EIF4G2: variants seen among roughly 807,000 people sequenced by gnomAD.
The protein encoded by EIF4G2 is eukaryotic translation initiation factor 4 gamma 2.
EIF4G2 carries 8 observed loss-of-function variants against 117.7 expected under a neutral mutation model. The observed-to-expected ratio is 0.07, with a 90% CI of 0.04 to 0.12. EIF4G2 has a LOEUF of 0.12. EIF4G2 is among the 10% of genes least tolerant of loss of function. EIF4G2 has a pLI of 1.00. For synonymous variants in EIF4G2, 413 were observed against 367.8 expected (o/e 1.12, Z -1.41); for missense variants, 812 against 1,086.2 (o/e 0.75, Z 3.55).
chr11:10,799,437 AG>A lies in EIF4G2; in HGVS notation c.2325-14del, dbSNP rs1436085372. 7.4e-6 allele frequency: 12 copies of A among 1,611,642 alleles called. No individual in the cohort carries two copies. The highest frequency in any genetic ancestry group is 9.3e-6 in the Non-Finnish European group (11 of 1,179,894). ...GTACTGTAAGAAGCTGGACAGAAAGAGGTCTTGTTAGAACCCAACAGTGAGT... is the reference window on the plus strand; with the variant it reads ...GTACTGTAAGAAGCTGGACAGAAAGAGTCTTGTTAGAACCCAACAGTGAGT... On this transcript the variant is annotated splice_polypyrimidine_tract_variant and intron_variant, in intron 19 of 21. Coordinates refer to ENST00000339995, the MANE Select transcript of EIF4G2 (RefSeq NM_001418.4).
Position 10,803,882 on chromosome 11 carries a change from T to C in EIF4G2, c.702+17A>G, listed in dbSNP as rs765412969. On this transcript the variant is annotated intron_variant, in intron 8 of 21. Transcript: ENST00000339995. This position sits in a 1 kb window ranked among gnomAD's most constrained non-coding sequence, Gnocchi z 4.0. ...AAACGACTGACTACATTCGCCTAAC[T>C]TCCCTGTCACACTTACTGTTTTGAT... The C allele has an allele frequency of 2.5e-6, 4 of 1,601,066 alleles. No individual in the cohort carries two copies. Among genetic ancestry groups the C allele is most frequent in the Non-Finnish European group, 2.6e-6 (3 of 1,171,038 alleles).
chr11:10,799,628 T>C lies in EIF4G2; in HGVS notation c.2248A>G (p.Ile750Val), dbSNP rs1847362671. 8 of 1,614,036 alleles carry C rather than the reference T, an allele frequency of 5.0e-6. No homozygotes were observed. The African/African-American group carries it at 8.0e-5, about 16-fold the overall frequency. ...ATGTTATCTTTAATCCATTTATATA[T>C]GGTTTGAGGGGATGGATCCAACTTT... The change falls in exon 19 of 22, where the codon ATA becomes GTA. Residue 750 changes from isoleucine to valine, a missense_variant. Transcript: ENST00000339995.
intron 15 of EIF4G2, 56 bp downstream of exon 15, chr11:10,800,906 T>G (rs1476748004): frequency 1.2e-6 from 2 of 1,611,482 alleles, no homozygotes; most frequent in African/African-American, 1.3e-5. Context: ...ACACACTAAA[T>G]TTAGAAAAAA....
At chr11:10,802,476 A>G in intron 11 of EIF4G2, 41 bp from the exon 12 acceptor site, 3 of 1,500,998 alleles carry the variant, frequency 2.0e-6, no homozygotes, top group Non-Finnish European at 1.8e-6. Flanking sequence ...GTCTCTGGAC[A>G]CTATTTCACT....
rs73417794 is a variant in EIF4G2 at position 10,797,774 on chromosome 11, G to C, written c.*42C>G. 579 of 1,597,698 alleles carry C rather than the reference G, an allele frequency of 3.6e-4. 3 individuals carry two copies. The African/African-American group carries it at 6.7e-3, about 19-fold the overall frequency. ...TTAGGTCAAATGCAGTTACATCATAGCAACAGTATGTTTTGCACAATTTAA... is the reference window on the plus strand; with the variant it reads ...TTAGGTCAAATGCAGTTACATCATACCAACAGTATGTTTTGCACAATTTAA... On this transcript the variant is annotated 3_prime_UTR_variant, in exon 22 of 22. Coordinates refer to ENST00000339995, the MANE Select transcript of EIF4G2 (RefSeq NM_001418.4). The surrounding 1 kb of genome is among the most constrained non-coding windows in gnomAD (Gnocchi z 4.5).
At position 10,804,580 on chromosome 11, in the gene EIF4G2, T is replaced by C. The variant is rs530971654; in HGVS notation, c.352-162A>G. ...CATCCATCTCCTGGGAGTCAGAAAA[T>C]GCCATGGATATCAAAACTTTCAAGT... On this transcript the variant is annotated intron_variant, in intron 5 of 21. Transcript: ENST00000339995. 6 of 878,950 alleles carry C rather than the reference T, an allele frequency of 6.8e-6. No homozygotes were observed. In the African/African-American group the frequency reaches 1.0e-4, roughly 15 times the overall value. The allele number at this position is 878,950 out of a possible 1,614,324, so 54.4% of individuals were successfully genotyped here. A position where few individuals can be genotyped will look rare whatever the true frequency, so the allele number is the denominator to read the frequency against.
chr11:10,805,733 G>GT (rs2135418960), intron 4 of EIF4G2, among the ~76,000 whole-genome samples, 174 bp downstream of exon 4: 1 of 152,180 alleles, frequency 6.6e-6, no homozygotes, highest in African/African-American at 2.4e-5. Flanking sequence ...GATTACAGGC[G>GT]TGAGCCACAG....
chr11:10,803,792 T>C lies in EIF4G2; in HGVS notation c.702+107A>G. 2.2e-6 allele frequency: 3 copies of C among 1,376,888 alleles called. No homozygotes were observed. Among genetic ancestry groups the C allele is most frequent in the Non-Finnish European group, 2.0e-6 (2 of 1,006,548 alleles). 85.3% of individuals were successfully genotyped at this position (1,376,888 alleles called of 1,614,324 possible). A position where few individuals can be genotyped will look rare whatever the true frequency, so the allele number is the denominator to read the frequency against. On this transcript the variant is annotated intron_variant, in intron 8 of 21. Transcript: ENST00000339995. The surrounding 1 kb of genome is among the most constrained non-coding windows in gnomAD (Gnocchi z 4.0). ...TTCAAATTATTCTGTTTAGTAAATT[T>C]TGTTGCACATCTGTATTTAACTAGT... is the stretch of plus-strand genomic sequence containing the variant.
Position 10,804,215 on chromosome 11 carries a change from G to A in EIF4G2, c.484-12C>T. The A allele has an allele frequency of 1.2e-6, 2 of 1,613,896 alleles. No homozygotes were observed. The highest frequency in any genetic ancestry group is 8.5e-7 in the Non-Finnish European group (1 of 1,179,940). On this transcript the variant is annotated splice_polypyrimidine_tract_variant and intron_variant, in intron 6 of 21. Coordinates refer to ENST00000339995, the MANE Select transcript of EIF4G2 (RefSeq NM_001418.4). ...AGGCGTCTGAATGTCTGGAAAAGAA[G>A]ACATTGTCATGCTTTATTAAGGAAA...
chr11:10,798,882 C>T, intron 21 of EIF4G2, 110 bp downstream of exon 21: 2 of 1,311,716 alleles, frequency 1.5e-6, no homozygotes, highest in Non-Finnish European at 2.1e-6. Flanking sequence ...TGAAGACAAA[C>T]TACTAACTAG....
intron 1 of EIF4G2, chr11:10,807,963 G>A (rs1847636155): frequency 6.8e-6 from 7 of 1,028,960 alleles, no homozygotes; most frequent in African/African-American, 1.7e-5. Flanking sequence ...AAAGAGCGGA[G>A]CATTCCTCCC....
rs113072905 is a variant in EIF4G2 at position 10,799,196 on chromosome 11, G to C, written c.2536+17C>G. The C allele has an allele frequency of 1.8e-3, 2,969 of 1,612,966 alleles. 39 individuals carry two copies. The African/African-American group carries it at 0.032, about 18-fold the overall frequency. Reference sequence around the variant, plus strand: ...AAGAACTTCCTCACGCCGTTCTTCTGATACAAGTCCTCTCACCTTTTGGGA... The same window carrying C: ...AAGAACTTCCTCACGCCGTTCTTCTCATACAAGTCCTCTCACCTTTTGGGA... On this transcript the variant is annotated intron_variant, in intron 20 of 21. Transcript: ENST00000339995.
chr11:10,807,686 C>CT, intron 1 of EIF4G2: 2 of 1,006,662 alleles, frequency 2.0e-6, no homozygotes, highest in Non-Finnish European at 2.4e-6. Flanking sequence ...ATAGAAAAGT[C>CT]TAACTACAGA....
At chr11:10,806,357 T>A (rs371924053) in intron 3 of EIF4G2, 17 of 382,800 alleles carry the variant, frequency 4.4e-5, no homozygotes, top group African/African-American at 3.0e-4. Context: ...AACATTTTTT[T>A]TAAGAGATGG....
Position 10,799,734 on chromosome 11 carries a change from G to A in EIF4G2, c.2142C>T (p.Arg714=). 3 of 1,613,838 alleles carry A rather than the reference G, an allele frequency of 1.9e-6. No individual in the cohort carries two copies. The highest frequency in any genetic ancestry group is 2.5e-6 in the Non-Finnish European group (3 of 1,179,984). ...CCTTTCCTTCCAAAATCTCCAACAT[G>A]CGGTCCTTATTCTGATCAATTTCTG... The change falls in exon 19 of 22, where the codon CGC becomes CGT. Residue 714 remains arginine, a synonymous_variant. Transcript: ENST00000339995.
intron 4 of EIF4G2, 85 bp downstream of exon 4, chr11:10,805,822 T>C (rs953641629): frequency 3.2e-6 from 5 of 1,584,790 alleles, no homozygotes; most frequent in East Asian, 2.2e-5. Context: ...GGCATGAACC[T>C]TGCCTTCTTA....
rs537073995 is a variant in EIF4G2, at chr11:10,806,057, A to G, written c.108-10T>C. The stretch of plus-strand genomic sequence containing the variant: ...TTTCCCCAGGAACTCGCTGATTAAT[A>G]AAAATCAGCAAAAACACTTATTGTC... On this transcript the variant is annotated splice_polypyrimidine_tract_variant and intron_variant, in intron 3 of 21. Coordinates refer to ENST00000339995, the MANE Select transcript of EIF4G2 (RefSeq NM_001418.4). 3.6e-5 allele frequency: 58 copies of G among 1,614,168 alleles called. 1 individual carries two copies. The highest frequency in any genetic ancestry group is 4.9e-5 in the Non-Finnish European group (58 of 1,179,968).
chr11:10,799,793 C>T (rs1847365570), intron 18 of EIF4G2, 37 bp from the exon 19 acceptor site: 1 of 1,594,178 alleles, frequency 6.3e-7, no homozygotes, highest in Non-Finnish European at 8.5e-7. Flanking sequence ...TCTAATAGTT[C>T]ATTTTACCAA....
At chr11:10,807,697 C>G (rs1847623983) in intron 1 of EIF4G2, 1 of 999,502 alleles carries the variant, frequency 1.0e-6, no homozygotes, top group South Asian at 4.4e-5. Flanking sequence ...TAACTACAGA[C>G]ACGAGCAACA....
Sources: allele counts gnomAD v4.1 joint callset (sites outside exome capture counted in the v4.1 genomes callset), GRCh38; gene constraint gnomAD v4.1.1; non-coding constraint Gnocchi (gnomAD v3.1); transcripts MANE v1.5; gene names NCBI Gene and HGNC (gene_info 2026-07-23, HGNC 2026-07-21).